RBFOX1: variants seen among roughly 807,000 people sequenced by gnomAD.
RBFOX1 encodes the protein RNA binding fox-1 homolog 1.
In RBFOX1, 8 loss-of-function variants were observed where a neutral mutation model predicts 57.7. The ratio of observed to expected loss-of-function variants is 0.14; its 90% CI spans 0.08 to 0.25. The LOEUF (loss-of-function observed/expected upper bound fraction) is 0.25. Ranked by LOEUF, RBFOX1 falls within the 10% of genes least tolerant of loss-of-function variation. The pLI is 1.00. For synonymous variants in RBFOX1, 326 were observed against 222.4 expected (o/e 1.47, Z -4.15); for missense variants, 611 against 548.5 (o/e 1.11, Z -1.14).
intron 3 of RBFOX1, among the ~76,000 whole-genome samples, chr16:6,859,133 A>ACG (rs1419261340): frequency 9.7e-5 from 10 of 103,502 alleles, no homozygotes; most frequent in African/African-American, 3.9e-4. Flanking sequence ...ATATATACAT[A>ACG]TATATACGTA....
At chr16:5,568,146 G>T (rs2046138541) in intron 2 of RBFOX1, among the ~76,000 whole-genome samples, 2 of 152,192 alleles carry the variant, frequency 1.3e-5, no homozygotes, top group Admixed American at 1.3e-4. Flanking sequence ...ACTCAGCATT[G>T]CATTCAAATG....
Position 6,327,661 on chromosome 16 carries a change from G to C in RBFOX1, c.-64+10604G>C, listed in dbSNP as rs111377754. ...GAAACAGAATAGAGAGGGAATCTTG[G>C]TTAGAAAATAACTCATTGCTCTATG... On this transcript the variant is annotated intron_variant, in intron 2 of 15. Transcript: ENST00000550418. Among the ~76,000 whole-genome samples, 1,131 of 152,156 alleles carry C rather than the reference G, an allele frequency of 7.4e-3. 9 individuals are homozygous for C. Among genetic ancestry groups the C allele is most frequent in the African/African-American group, 0.024 (997 of 41,504 alleles).
chr16:5,849,003 G>GT (rs1328981138), intron 3 of RBFOX1, among the ~76,000 whole-genome samples: 8 of 151,874 alleles, frequency 5.3e-5, no homozygotes, highest in Non-Finnish European at 8.8e-5. Context: ...AGTAAGTGGG[G>GT]TGAGGGCAGG....
At chr16:6,628,554 CT>C (rs1438230602) in intron 2 of RBFOX1, among the ~76,000 whole-genome samples, 2 of 152,068 alleles carry the variant, frequency 1.3e-5, no homozygotes, top group Non-Finnish European at 2.9e-5. Flanking sequence ...ACCAATCCAC[CT>C]CATTTTGTTT....
chr16:7,027,363 T>G (rs1383448290), intron 3 of RBFOX1, among the ~76,000 whole-genome samples: 2 of 152,152 alleles, frequency 1.3e-5, no homozygotes, highest in Non-Finnish European at 2.9e-5. Context: ...CTTAAAGTAT[T>G]TTTTAGATAT....
At chr16:5,957,171 G>A (rs1310344233) in intron 4 of RBFOX1, among the ~76,000 whole-genome samples, 1 of 152,038 alleles carries the variant, frequency 6.6e-6, no homozygotes, top group African/African-American at 2.4e-5. Flanking sequence ...TTAGGTGATT[G>A]ATATGCTACG....
intron 3 of RBFOX1, among the ~76,000 whole-genome samples, chr16:5,770,565 G>C (rs2053944305): frequency 6.6e-6 from 1 of 152,150 alleles, no homozygotes; most frequent in Non-Finnish European, 1.5e-5. Flanking sequence ...CTATGGGGTA[G>C]CCCTGCTATT....
At chr16:6,861,308 G>A (rs1244287444) in intron 3 of RBFOX1, among the ~76,000 whole-genome samples, 1 of 152,066 alleles carries the variant, frequency 6.6e-6, no homozygotes, top group Non-Finnish European at 1.5e-5. Context: ...GGTCCCTTTC[G>A]AGTGCATTGT....
At chr16:5,906,652 T>G (rs1014332445) in intron 4 of RBFOX1, among the ~76,000 whole-genome samples, 1 of 151,450 alleles carries the variant, frequency 6.6e-6, no homozygotes, top group Non-Finnish European at 1.5e-5. Flanking sequence ...GTACTCTAAC[T>G]TAACAGAGGG....
intron 1 of RBFOX1, among the ~76,000 whole-genome samples, chr16:6,025,170 G>C (rs1442910639): frequency 6.6e-6 from 1 of 152,188 alleles, no homozygotes; most frequent in African/African-American, 2.4e-5. Context: ...GAATAAACAA[G>C]CATGCCTTCC....
chr16:5,579,528 C>G (rs2046589399), intron 2 of RBFOX1, among the ~76,000 whole-genome samples: 1 of 152,096 alleles, frequency 6.6e-6, no homozygotes, highest in East Asian at 1.9e-4. Flanking sequence ...CACAGCGTGG[C>G]CTTTAAAACC....
chr16:5,359,427 A>T (rs1296218938), intron 1 of RBFOX1, among the ~76,000 whole-genome samples: 1 of 152,094 alleles, frequency 6.6e-6, no homozygotes, highest in South Asian at 2.1e-4. Flanking sequence ...TTACATTCCC[A>T]CCAACAGTGT....
chr16:6,070,515 A>G (rs59863600), intron 1 of RBFOX1, among the ~76,000 whole-genome samples: 2,814 of 152,326 alleles, frequency 0.018, 92 homozygotes, highest in African/African-American at 0.064. Context: ...AAGTCTGACA[A>G]GAAGTCACTC....
chr16:5,414,684 C>T (rs553040790), intron 1 of RBFOX1, among the ~76,000 whole-genome samples: 14 of 152,150 alleles, frequency 9.2e-5, no homozygotes, highest in Non-Finnish European at 1.3e-4. Context: ...CTCCAGGCTT[C>T]GGATGCTGAA....
At chr16:7,453,710 C>G (rs946096735) in intron 4 of RBFOX1, among the ~76,000 whole-genome samples, 2 of 152,176 alleles carry the variant, frequency 1.3e-5, no homozygotes, top group African/African-American at 4.8e-5. Context: ...TGTAAGACAG[C>G]ATCCTTGCCT....
intron 4 of RBFOX1, among the ~76,000 whole-genome samples, chr16:5,934,063 T>G (rs1329699944): frequency 5.3e-5 from 8 of 152,218 alleles, no homozygotes; most frequent in Non-Finnish European, 1.0e-4. Flanking sequence ...GCTCCTGCAT[T>G]AGTTCACTAA....
At chr16:5,283,489 G>C (rs1047296335) in intron 1 of RBFOX1, among the ~76,000 whole-genome samples, 2 of 152,150 alleles carry the variant, frequency 1.3e-5, no homozygotes, top group Non-Finnish European at 2.9e-5. Context: ...TATTCCAGGA[G>C]GGGTGTTATA....
chr16:7,105,787 G>GAT (rs766817244), intron 4 of RBFOX1, among the ~76,000 whole-genome samples: 4,856 of 88,682 alleles, frequency 0.055, 140 homozygotes, highest in South Asian at 0.15. Flanking sequence ...GATGTATATA[G>GAT]AGATAGATAG....
At position 7,597,414 on chromosome 16, in the gene RBFOX1, T is replaced by C; in HGVS notation, c.605T>C (p.Val202Ala). The C allele has an allele frequency of 1.2e-6, 2 of 1,610,372 alleles. No individual in the cohort carries two copies. Among genetic ancestry groups the C allele is most frequent in the South Asian group, 2.2e-5 (2 of 90,794 alleles). Residue 202 changes from valine (V) to alanine (A), a missense_variant, in exon 9 of 16, where the codon GTC becomes GCC. Val to Ala is a moderately conservative substitution (Grantham distance 64, BLOSUM62 0). Transcript: ENST00000550418. The part of the protein sequence containing the change: ...TARVMTNKKT[V>A]NPYTNGWKLN... ...CGTGTAATGACAAATAAAAAGACCG[T>C]CAACCCTTATACAAATGGTAAGTAG... is the stretch of plus-strand genomic sequence containing the variant.
Sources: allele counts gnomAD v4.1 joint callset (sites outside exome capture counted in the v4.1 genomes callset), GRCh38; gene constraint gnomAD v4.1.1; transcripts MANE v1.5; gene names NCBI Gene and HGNC (gene_info 2026-07-23, HGNC 2026-07-21).